The following CDH15 variants were observed in gnomAD, a reference collection of about 807,000 sequenced individuals.
CDH15 encodes the protein cadherin 15.
In CDH15, 73 loss-of-function variants were observed where a neutral mutation model predicts 69.4. The ratio of observed to expected loss-of-function variants is 1.05; its 90% confidence interval spans 0.87 to 1.28. CDH15 has a LOEUF of 1.28. Ranked by LOEUF, CDH15 falls within the 50% of genes most tolerant of loss-of-function variation. The probability of loss-of-function intolerance (pLI) is 0.00; values close to 1 mark genes in which losing one functional copy is unlikely to be tolerated. For synonymous variants in CDH15, 624 were observed against 507.7 expected, an observed-to-expected ratio of 1.23 and a Z score of -3.08; for missense variants, 1,343 against 1,133.6, an observed-to-expected ratio of 1.18 and a Z score of -2.65.
rs1186244177 is a variant in CDH15, at chr16:89,185,266, C to G, written c.596C>G (p.Pro199Arg). ...LRFSILQQGS[P>R]ELFSIDELTG... ...TTCTCCATCCTGCAGCAGGGCAGCCCCGAGCTCTTCAGCATCGACGAGCTC... is the reference window on the plus strand; with the variant it reads ...TTCTCCATCCTGCAGCAGGGCAGCCGCGAGCTCTTCAGCATCGACGAGCTC... The change falls in exon 5 of 14, where the codon CCC becomes CGC. Residue 199 changes from proline (P) to arginine (R), a missense_variant. Transcript: ENST00000289746. 10 of 1,605,844 alleles carry G rather than the reference C, an allele frequency of 6.2e-6. No homozygotes were observed. The Admixed American group carries it at 1.7e-4, about 27-fold the overall frequency.
chr16:89,194,755 C>A, intron 13 of CDH15, 107 bp from the exon 14 acceptor site: 1 of 1,172,534 alleles, frequency 8.5e-7, no homozygotes, highest in Non-Finnish European at 1.2e-6. Context: ...GCAGCTTCCC[C>A]TTCCTGAGCC....
At chr16:89,173,660 T>C (rs919495357) in intron 1 of CDH15, among the ~76,000 whole-genome samples, 1 of 152,198 alleles carries the variant, frequency 6.6e-6, no homozygotes. Flanking sequence ...CTGGGCAGCC[T>C]TGGGGTCCTG....
Position 89,179,591 on chromosome 16 carries a change from G to A in CDH15, c.201+17G>A. 1 of 1,561,298 alleles carries A rather than the reference G, an allele frequency of 6.4e-7. No homozygotes were observed. Among genetic ancestry groups the A allele is most frequent in the Non-Finnish European group, 8.7e-7 (1 of 1,152,254 alleles). Reference sequence around the variant, plus strand: ...CTGGTTCAGGTGAGCAGGTGGAGGGGGCAGGAGGGGAGAAAGGGGTAGGCT... The same window carrying A: ...CTGGTTCAGGTGAGCAGGTGGAGGGAGCAGGAGGGGAGAAAGGGGTAGGCT... On this transcript the variant is annotated intron_variant, in intron 2 of 13. Coordinates refer to ENST00000289746, the MANE Select transcript of CDH15 (RefSeq NM_004933.3).
chr16:89,180,120 G>A (rs1411175305), intron 2 of CDH15, 80 bp from the exon 3 acceptor site: 3 of 1,503,318 alleles, frequency 2.0e-6, no homozygotes, highest in South Asian at 1.2e-5. Flanking sequence ...TGTCAGCTGG[G>A]GAGGGGCCTG....
chr16:89,188,620 C>T (rs376732288), intron 7 of CDH15, among the ~76,000 whole-genome samples: 13 of 138,746 alleles, frequency 9.4e-5, no homozygotes, highest in South Asian at 4.8e-4. Context: ...GCACAGATGC[C>T]GGCACACACA....
chr16:89,192,333 T>C lies in CDH15; in HGVS notation c.1744T>C (p.Cys582Arg), dbSNP rs776028872. 1.3e-6 allele frequency: 2 copies of C among 1,536,064 alleles called. No homozygotes were observed. The highest frequency in any genetic ancestry group is 8.7e-7 in the Non-Finnish European group (1 of 1,147,530). ...EQPLNVTVCRCGKDGVCLPGA... is the reference protein window; with the variant it reads ...EQPLNVTVCRRGKDGVCLPGA... ...GCCTCTGAACGTGACCGTGTGCCGC[T>C]GCGGCAAGGACGGCGTCTGCCTGCC... is the stretch of plus-strand genomic sequence containing the variant. The change falls in exon 11 of 14, where the codon TGC (cysteine) becomes CGC (arginine). Residue 582 changes from cysteine (C) to arginine (R), a missense_variant. Transcript: ENST00000289746.
At chr16:89,184,571 C>G (rs1426115751) in intron 4 of CDH15, among the ~76,000 whole-genome samples, 1 of 152,210 alleles carries the variant, frequency 6.6e-6, no homozygotes, top group South Asian at 2.1e-4. Context: ...GCTCGGCTGT[C>G]GTGTGTCCTG....
In CDH15 at chr16:89,193,593, GGGA is replaced by G. The variant is rs778259596; in HGVS notation, c.1986_1988del (p.Glu662del). On this transcript the variant is annotated inframe_deletion, in exon 12 of 14. Coordinates refer to ENST00000289746, the MANE Select transcript of CDH15 (RefSeq NM_004933.3). ...CTCAACTACGATGAGCAAGGAGGCG[GGGA>G]GGAGGACCAGGTGAGGGGGCAGGTG... is the stretch of plus-strand genomic sequence containing the variant. The G allele has an allele frequency of 2.5e-6, 4 of 1,600,880 alleles. No individual in the cohort carries two copies. In the Admixed American group the frequency reaches 6.9e-5, roughly 28 times the overall value.
At chr16:89,194,494 C>G (rs1016783818) in intron 13 of CDH15, among the ~76,000 whole-genome samples, 1 of 152,178 alleles carries the variant, frequency 6.6e-6, no homozygotes, top group Non-Finnish European at 1.5e-5. Flanking sequence ...GCAGACGGGC[C>G]GTTCTGCGGA....
intron 1 of CDH15, among the ~76,000 whole-genome samples, chr16:89,172,580 C>G (rs1244061819): frequency 6.6e-6 from 1 of 152,168 alleles, no homozygotes; most frequent in Non-Finnish European, 1.5e-5. Context: ...CCCTAAAAAT[C>G]TTGTCTGGAC....
At position 89,194,055 on chromosome 16, in the gene CDH15, T is replaced by C. The variant is rs568839711; in HGVS notation, c.2151+142T>C. 2.8e-5 allele frequency: 29 copies of C among 1,033,864 alleles called. No homozygotes were observed. The East Asian group carries it at 3.9e-4, about 14-fold the overall frequency. The allele number at this position is 1,033,864 out of a possible 1,614,324, so 64.0% of individuals were successfully genotyped here. A position where few individuals can be genotyped will look rare whatever the true frequency, so the allele number is the denominator to read the frequency against. On this transcript the variant is annotated intron_variant, in intron 13 of 13. Coordinates refer to ENST00000289746, the MANE Select transcript of CDH15 (RefSeq NM_004933.3). ...CGTCCCAGAGCACCGCAGAGGAAGA[T>C]GGTGTGCGGGCGGGAGTGTGGAAGC...
chr16:89,185,283 G>T lies in CDH15; in HGVS notation c.613G>T (p.Asp205Tyr). Residue 205 changes from aspartate (D) to tyrosine (Y), a missense_variant, in exon 5 of 14, where the codon GAC becomes TAC. By Grantham distance (160) the Asp-to-Tyr change is radical. Coordinates refer to ENST00000289746, the MANE Select transcript of CDH15 (RefSeq NM_004933.3). ...QQGSPELFSIDELTGEIRTVQ... is the reference protein window; with the variant it reads ...QQGSPELFSIYELTGEIRTVQ... ...GGGCAGCCCCGAGCTCTTCAGCATCGACGAGCTCACAGGAGAGATCCGCAC... is the reference window on the plus strand; with the variant it reads ...GGGCAGCCCCGAGCTCTTCAGCATCTACGAGCTCACAGGAGAGATCCGCAC... 1.2e-6 allele frequency: 2 copies of T among 1,606,248 alleles called. No individual in the cohort carries two copies. The highest frequency in any genetic ancestry group is 1.1e-5 in the South Asian group (1 of 89,660).
chr16:89,191,119 G>A (rs115320626), intron 8 of CDH15, among the ~76,000 whole-genome samples: 3,571 of 149,838 alleles, frequency 0.024, 145 homozygotes, highest in African/African-American at 0.082. Flanking sequence ...TGTGTGTGCT[G>A]TGCATGCCCA....
intron 5 of CDH15, 118 bp from the exon 6 acceptor site, chr16:89,187,311 C>A (rs1219587924): frequency 8.0e-7 from 1 of 1,243,490 alleles, no homozygotes. Context: ...GTCTTCAACA[C>A]CCACTGGGTG....
chr16:89,187,570 T>A lies in CDH15; in HGVS notation c.792+13T>A. ...CACCAGGGATGAGGTGCTGCTGCTG[T>A]CCCTCCCTCGAAAGTAGCCCCTGCT... On this transcript the variant is annotated intron_variant, in intron 6 of 13. Coordinates refer to ENST00000289746, the MANE Select transcript of CDH15 (RefSeq NM_004933.3). 2 of 1,613,244 alleles carry A rather than the reference T, an allele frequency of 1.2e-6. No homozygotes were observed. Among genetic ancestry groups the A allele is most frequent in the Non-Finnish European group, 1.7e-6 (2 of 1,180,020 alleles).
At position 89,190,497 on chromosome 16, in the gene CDH15, G is replaced by T. The variant is rs926601399; in HGVS notation, c.1232+1G>T. ...ACACAGAGCAGCTGCAGAGGCTCAG[G>T]TGGGGCTCCTGAGGCCCTGGGAGAG... On this transcript the variant is annotated splice_donor_variant, in intron 8 of 13. Coordinates refer to ENST00000289746, the MANE Select transcript of CDH15 (RefSeq NM_004933.3). LOFTEE classifies it high-confidence loss of function. The T allele has an allele frequency of 6.3e-7, 1 of 1,589,326 alleles. No homozygotes were observed. The highest frequency in any genetic ancestry group is 8.6e-7 in the Non-Finnish European group (1 of 1,168,950).
At chr16:89,174,539 G>T (rs3887583) in intron 1 of CDH15, among the ~76,000 whole-genome samples, 7,576 of 152,256 alleles carry the variant, frequency 0.05, 293 homozygotes, top group East Asian at 0.17. Flanking sequence ...CGCCCAGTGT[G>T]TGCAGAGCTT....
In CDH15 at chr16:89,179,517, C is replaced by G. The variant is rs1027645873; in HGVS notation, c.144C>G (p.Val48=). ...PALSRVRRAW[V]IPPISVSENH... ...TGAGCCGCGTGCGGAGGGCCTGGGT[C>G]ATCCCCCCGATCAGCGTATCCGAGA... Residue 48 remains valine (V), a synonymous_variant, in exon 2 of 14, where the codon GTC becomes GTG. Coordinates refer to ENST00000289746, the MANE Select transcript of CDH15 (RefSeq NM_004933.3). 1.2e-6 allele frequency: 2 copies of G among 1,612,818 alleles called. No individual in the cohort carries two copies. Among genetic ancestry groups the G allele is most frequent in the Non-Finnish European group, 1.7e-6 (2 of 1,179,542 alleles).
At position 89,185,350 on chromosome 16, in the gene CDH15, G is replaced by A. The variant is rs1020740453; in HGVS notation, c.663+17G>A. 7 of 1,586,480 alleles carry A rather than the reference G, an allele frequency of 4.4e-6. No homozygotes were observed. The African/African-American group carries it at 8.1e-5, about 18-fold the overall frequency. ...GACCGCGAGGTGAGGTGGCGCCCCGGCAGCTCCACACCCGCACGGCCAGGG... is the reference window on the plus strand; with the variant it reads ...GACCGCGAGGTGAGGTGGCGCCCCGACAGCTCCACACCCGCACGGCCAGGG... On this transcript the variant is annotated intron_variant, in intron 5 of 13. Coordinates refer to ENST00000289746, the MANE Select transcript of CDH15 (RefSeq NM_004933.3).
Sources: gnomAD v4.1 joint callset for allele counts (sites outside exome capture counted in the v4.1 genomes callset) on GRCh38, gnomAD v4.1.1 for gene constraint, MANE v1.5 for transcripts, NCBI Gene and HGNC (gene_info 2026-07-23, HGNC 2026-07-21) for gene names.